Variants in PRR5 observed in about 807,000 individuals in gnomAD.
PRR5 encodes the protein proline rich 5, also known as proline-rich protein 5.
A neutral mutation model predicts 30.6 loss-of-function variants in PRR5; 25 were observed. That is an observed-to-expected ratio of 0.82 (90% CI 0.60 to 1.14). The LOEUF is 1.14. PRR5 is among the 50% of genes most tolerant of loss of function. PRR5 has a pLI of 0.00. For missense variants in PRR5, 600 were observed against 547.1 expected (o/e 1.10, Z -0.96); for synonymous variants, 286 against 247.1 (o/e 1.16, Z -1.48).
chr22:44,731,938 C>T (rs893714915), intron 5 of PRR5, 117 bp downstream of exon 5: 1 of 1,093,516 alleles, frequency 9.1e-7, no homozygotes, highest in East Asian at 2.6e-5. Context: ...CTGCTCTGTG[C>T]TGCTCTCCTT....
At chr22:44,688,367 G>C (rs62230602) in intron 1 of PRR5, among the ~76,000 whole-genome samples, 48,404 of 151,962 alleles carry the variant, frequency 0.32, 9,430 homozygotes, top group Non-Finnish European at 0.41. Flanking sequence ...CTGGGCTACA[G>C]AGCGAGACTT....
upstream of PRR5, among the ~76,000 whole-genome samples, chr22:44,676,390 CAAAAAAAA>C (rs59016907): frequency 1.8e-3 from 65 of 37,066 alleles, no homozygotes; most frequent in Admixed American, 4.4e-3. Flanking sequence ...GACCCTGTCT[CAAAAAAAA>C]AAAAAAAAAA....
chr22:44,726,669 A>C (rs1602071775), intron 4 of PRR5, 35 bp downstream of exon 4: 1 of 1,613,804 alleles, frequency 6.2e-7, no homozygotes, highest in South Asian at 1.1e-5. Context: ...ACTCTGGGCC[A>C]TGCTGGGTCC....
intron 1 of PRR5, chr22:44,679,906 G>A: frequency 1.3e-6 from 2 of 1,560,112 alleles, no homozygotes; most frequent in Non-Finnish European, 1.7e-6. Flanking sequence ...GCCGAAGGGT[G>A]GCTACGAGGG....
At chr22:44,725,107 T>C (rs1229199266) in intron 2 of PRR5, 137 bp from the exon 3 acceptor site, 38 of 1,292,092 alleles carry the variant, frequency 2.9e-5, no homozygotes, top group Non-Finnish European at 3.9e-5. Flanking sequence ...AGGTGGGACC[T>C]GTCCACTACC....
intron 1 of PRR5, chr22:44,679,660 C>T (rs959051181): frequency 2.4e-5 from 17 of 714,986 alleles, no homozygotes; most frequent in South Asian, 8.4e-5. Flanking sequence ...GAGCCGAGAT[C>T]GCCCCATTGC....
chr22:44,675,923 T>C (rs375910806), upstream of PRR5, among the ~76,000 whole-genome samples: 12 of 152,022 alleles, frequency 7.9e-5, no homozygotes, highest in South Asian at 1.2e-3. Context: ...ATGTTCGGTT[T>C]CCCCCAAATA....
chr22:44,736,244 C>G (rs960598356), intron 7 of PRR5, among the ~76,000 whole-genome samples: 4 of 152,224 alleles, frequency 2.6e-5, no homozygotes, highest in African/African-American at 9.6e-5. Flanking sequence ...CTCCCCGCAT[C>G]CCCAGGATGG....
chr22:44,697,672 C>T (rs190270851), upstream of PRR5, among the ~76,000 whole-genome samples: 22 of 152,344 alleles, frequency 1.4e-4, 1 homozygote, highest in Admixed American at 1.0e-3. Context: ...ACCTGAGGGC[C>T]GTGCCCCGGG....
rs893728932 is a variant in PRR5 at position 44,702,616 on chromosome 22, C to T, written c.134+8C>T. ...CAACGCCACCTGGAACAGGTAAGGC[C>T]GCGCCCTCCCGGCCACCCGGAGGCC... On this transcript the variant is annotated splice_region_variant and intron_variant, in intron 1 of 7. Coordinates refer to ENST00000336985, the MANE Select transcript of PRR5 (RefSeq NM_181333.4). The T allele has an allele frequency of 3.9e-6, 5 of 1,294,930 alleles. No homozygotes were observed. Among genetic ancestry groups the T allele is most frequent in the Non-Finnish European group, 4.9e-6 (5 of 1,018,084 alleles). The allele number at this position is 1,294,930 out of a possible 1,614,324, so 80.2% of individuals were successfully genotyped here. A position where few individuals can be genotyped will look rare whatever the true frequency, so the allele number is the denominator to read the frequency against.
At chr22:44,697,000 G>A (rs1386246060) in intron 1 of PRR5, among the ~76,000 whole-genome samples, 3 of 152,140 alleles carry the variant, frequency 2.0e-5, no homozygotes, top group Non-Finnish European at 2.9e-5. Context: ...GCCTCCTAAA[G>A]TACTGGGATC....
In PRR5 at chr22:44,694,488, G is replaced by A. The variant is rs958574451; in HGVS notation, c.-10-8004G>A. ...GTGGAGGTTGTAGTTAGCCGAGATC[G>A]TGCCACTGCACTCCAGCCTGGGCAA... On this transcript the variant is annotated intron_variant, in intron 1 of 8. Coordinates refer to the PRR5 transcript ENST00000006251. 5.9e-5 allele frequency among the ~76,000 whole-genome samples: 9 copies of A among 152,162 alleles called. No homozygotes were observed. The East Asian group carries it at 1.7e-3, about 29-fold the overall frequency.
At chr22:44,688,299 G>A (rs539345297) in intron 1 of PRR5, among the ~76,000 whole-genome samples, 17 of 152,100 alleles carry the variant, frequency 1.1e-4, no homozygotes, top group Non-Finnish European at 2.2e-4. Context: ...CAGGAGAATC[G>A]CTTGAACCTG....
In PRR5 at chr22:44,669,828, A is replaced by G. The variant is rs557245573; in HGVS notation, c.-11+1023A>G. Among the ~76,000 whole-genome samples, 15 of 152,020 alleles carry G rather than the reference A, an allele frequency of 9.9e-5. No homozygotes were observed. In the South Asian group the frequency reaches 3.1e-3, roughly 32 times the overall value. On this transcript the variant is annotated intron_variant, in intron 1 of 8. Transcript: ENST00000432186. ...GGTGATGAGTGATGCTCTTGGTGGG[A>G]GAGTGGTGAGTCCCATTCCCTGGAC...
At position 44,691,243 on chromosome 22, in the gene PRR5, G is replaced by C. The variant is rs1336365457; in HGVS notation, c.-10-11249G>C. On this transcript the variant is annotated intron_variant, in intron 1 of 8. Coordinates refer to the PRR5 transcript ENST00000006251. This position sits in a 1 kb window ranked among gnomAD's most constrained non-coding sequence, Gnocchi z 4.4. The stretch of plus-strand genomic sequence containing the variant: ...GGTAGAGAAAACCGGGGTCTGGAAT[G>C]GGGATTCTGAGGTTGGTCCTGGCCC... Among the ~76,000 whole-genome samples the C allele has an allele frequency of 6.6e-6, 1 of 152,164 alleles. No homozygotes were observed. Among genetic ancestry groups the C allele is most frequent in the Non-Finnish European group, 1.5e-5 (1 of 68,032 alleles).
chr22:44,711,707 G>A (rs1387681635), intron 1 of PRR5, among the ~76,000 whole-genome samples: 1 of 152,182 alleles, frequency 6.6e-6, no homozygotes, highest in African/African-American at 2.4e-5. Context: ...AGGGAGGCCT[G>A]GGCTCCAGGA....
upstream of PRR5, among the ~76,000 whole-genome samples, chr22:44,674,530 G>A (rs936034335): frequency 2.6e-5 from 4 of 151,908 alleles, no homozygotes; most frequent in African/African-American, 9.7e-5. Context: ...AGACCATCCT[G>A]GCTAACACGG....
intron 1 of PRR5, 81 bp downstream of exon 1, chr22:44,702,689 G>A: frequency 3.3e-6 from 4 of 1,229,556 alleles, no homozygotes; most frequent in South Asian, 3.6e-5. Context: ...GCTAGGGGCC[G>A]CCCCGAGCCA....
chr22:44,735,183 T>TGGGCTG, intron 7 of PRR5, 21 bp downstream of exon 7: 1 of 1,607,738 alleles, frequency 6.2e-7, no homozygotes, highest in Middle Eastern at 1.7e-4. Flanking sequence ...GCCTGGGCCT[T>TGGGCTG]GGGCTGGGGC....
Sources: allele counts gnomAD v4.1 joint callset (sites outside exome capture counted in the v4.1 genomes callset), GRCh38; gene constraint gnomAD v4.1.1; non-coding constraint Gnocchi (gnomAD v3.1); transcripts MANE v1.5; gene names NCBI Gene and HGNC (gene_info 2026-07-23, HGNC 2026-07-21).